The following ANO4 variants were observed in gnomAD, a reference collection of about 807,000 sequenced individuals.
ANO4 encodes the protein anoctamin 4, also known as anoctamin-4.
In ANO4, 69 loss-of-function variants were observed where a neutral mutation model predicts 141.9. That is an observed-to-expected ratio of 0.49 (90% CI 0.40 to 0.59). ANO4 has a LOEUF of 0.59. Ranked by LOEUF, ANO4 falls within the 20% of genes least tolerant of loss-of-function variation. ANO4 has a pLI of 0.00. For missense variants in ANO4, 894 were observed against 1,162.2 expected (o/e 0.77, Z 3.36); for synonymous variants, 350 against 394.3 (o/e 0.89, Z 1.33).
At chr12:100,768,913 C>T (rs2033191042) in intron 3 of ANO4, among the ~76,000 whole-genome samples, 1 of 152,146 alleles carries the variant, frequency 6.6e-6, no homozygotes, top group South Asian at 2.1e-4. Flanking sequence ...CATGTTGACT[C>T]TCTTAGATTC....
intron 1 of ANO4, among the ~76,000 whole-genome samples, chr12:100,860,208 A>C (rs2038397805): frequency 6.6e-6 from 1 of 152,210 alleles, no homozygotes; most frequent in East Asian, 1.9e-4. Flanking sequence ...CTGAGCTTGC[A>C]TCGTGACCAC....
At chr12:101,041,035 G>A (rs1215640269) in intron 11 of ANO4, among the ~76,000 whole-genome samples, 1 of 152,022 alleles carries the variant, frequency 6.6e-6, no homozygotes, top group Non-Finnish European at 1.5e-5. Flanking sequence ...TTCTGCCTTG[G>A]CAGCATTATT....
At chr12:100,807,214 G>T (rs922712405) in intron 1 of ANO4, among the ~76,000 whole-genome samples, 2 of 152,124 alleles carry the variant, frequency 1.3e-5, no homozygotes, top group African/African-American at 2.4e-5. Context: ...TGCTGGCTAG[G>T]TGGTGATTCT....
intron 3 of ANO4, among the ~76,000 whole-genome samples, chr12:100,753,240 A>G (rs2032461400): frequency 6.6e-6 from 1 of 152,214 alleles, no homozygotes; most frequent in African/African-American, 2.4e-5. Context: ...TCTTATTCTC[A>G]GTGGAACAAC....
At chr12:100,808,888 A>C (rs1265375027) in intron 1 of ANO4, among the ~76,000 whole-genome samples, 1 of 152,254 alleles carries the variant, frequency 6.6e-6, no homozygotes, top group Non-Finnish European at 1.5e-5. Context: ...CACACCCACA[A>C]ATTCAAAGCA....
chr12:100,875,217 G>A (rs1396250320), intron 1 of ANO4, among the ~76,000 whole-genome samples: 1 of 152,176 alleles, frequency 6.6e-6, no homozygotes, highest in Non-Finnish European at 1.5e-5. Flanking sequence ...GGTGGGAGGT[G>A]ACTGGATCAT....
chr12:100,961,447 C>T (rs2043420329), intron 5 of ANO4, among the ~76,000 whole-genome samples: 1 of 152,216 alleles, frequency 6.6e-6, no homozygotes, highest in South Asian at 2.1e-4. Flanking sequence ...TCTGCCTTCC[C>T]TCTGGCAGAG....
Position 100,759,686 on chromosome 12 carries a change from T to A in ANO4, c.358+19581T>A, listed in dbSNP as rs78059585. On this transcript the variant is annotated intron_variant, in intron 3 of 29. Transcript: ENST00000644049. ...ACTACTTTTTCAGTTTCTTAGCACATTTCTTAGGAGGGCCAGGTGAAACTG... is the reference window on the plus strand; with the variant it reads ...ACTACTTTTTCAGTTTCTTAGCACAATTCTTAGGAGGGCCAGGTGAAACTG... Among the ~76,000 whole-genome samples, 970 of 152,288 alleles carry A rather than the reference T, an allele frequency of 6.4e-3. 7 individuals are homozygous for A. Among genetic ancestry groups the A allele is most frequent in the African/African-American group, 0.022 (906 of 41,564 alleles).
chr12:100,924,941 G>A lies in ANO4; in HGVS notation c.160+2611G>A, dbSNP rs374825430. On this transcript the variant is annotated intron_variant, in intron 3 of 27. Transcript: ENST00000392977. The stretch of plus-strand genomic sequence containing the variant: ...TGTTAACTGTTCTGTAGTTTAGAAG[G>A]GTGATCTTTCTATGAACAGGTAGAG... 9.9e-5 allele frequency among the ~76,000 whole-genome samples: 15 copies of A among 152,070 alleles called. 2 individuals carry two copies. The East Asian group carries it at 2.1e-3, about 22-fold the overall frequency.
intron 9 of ANO4, among the ~76,000 whole-genome samples, chr12:101,036,179 G>A (rs2047185903): frequency 6.6e-6 from 1 of 152,078 alleles, no homozygotes; most frequent in African/African-American, 2.4e-5. Context: ...CCGTTAGAAT[G>A]GCTCTTATCA....
chr12:100,717,970 G>A (rs1349665443), intron 1 of ANO4, among the ~76,000 whole-genome samples: 1 of 152,132 alleles, frequency 6.6e-6, no homozygotes, highest in Non-Finnish European at 1.5e-5. Context: ...GCATTTCTCC[G>A]TCTGTAAATC....
intron 2 of ANO4, among the ~76,000 whole-genome samples, chr12:100,907,994 G>A (rs2040923363): frequency 6.6e-6 from 1 of 152,120 alleles, no homozygotes; most frequent in Non-Finnish European, 1.5e-5. Flanking sequence ...ATTCCTAATG[G>A]TGTTTTATCA....
intron 1 of ANO4, among the ~76,000 whole-genome samples, chr12:100,895,388 C>T (rs2040299406): frequency 6.6e-6 from 1 of 152,046 alleles, no homozygotes; most frequent in Non-Finnish European, 1.5e-5. Context: ...ATCATTTTTA[C>T]ATAGGCACAC....
chr12:100,791,765 G>A (rs1223908749), upstream of ANO4, among the ~76,000 whole-genome samples: 1 of 152,148 alleles, frequency 6.6e-6, no homozygotes, highest in Non-Finnish European at 1.5e-5. Context: ...TTGCCACTTG[G>A]GTGAGCGTTT....
intron 5 of ANO4, among the ~76,000 whole-genome samples, chr12:100,965,890 T>G (rs1471266409): frequency 6.6e-6 from 1 of 152,166 alleles, no homozygotes; most frequent in Admixed American, 6.6e-5. Context: ...TGTTGTCTGA[T>G]GTCTGTCTCC....
intron 8 of ANO4, among the ~76,000 whole-genome samples, chr12:100,993,870 CTGAG>C (rs2045253064): frequency 6.6e-6 from 1 of 152,162 alleles, no homozygotes; most frequent in Non-Finnish European, 1.5e-5. Context: ...CGCAGTCTGT[CTGAG>C]TGATAGAGCA....
Position 101,086,594 on chromosome 12 carries a change from G to A in ANO4, c.1537-66G>A. The A allele has an allele frequency of 1.9e-6, 3 of 1,580,942 alleles. No individual in the cohort carries two copies. The South Asian group carries it at 3.4e-5, about 18-fold the overall frequency. On this transcript the variant is annotated intron_variant, in intron 16 of 27. Transcript: ENST00000392977. The stretch of plus-strand genomic sequence containing the variant: ...CTTTTCCCATCAGAGGATGTTCCAG[G>A]AATGTGAATCCTCTTCCTGTAACAT...
chr12:100,826,300 G>T lies in ANO4; in HGVS notation c.-141+31273G>T, dbSNP rs77993494. On this transcript the variant is annotated intron_variant, in intron 1 of 27. Transcript: ENST00000392977. ...TTTGAAGATGGAATTGAGAAAAAAA[G>T]ATGGAAAATGGTCATTGCTCACAGA... Among the ~76,000 whole-genome samples the T allele has an allele frequency of 2.5e-3, 385 of 151,870 alleles. 2 individuals carry two copies. Among genetic ancestry groups the T allele is most frequent in the East Asian group, 0.018 (91 of 5,128 alleles).
chr12:100,980,183 G>A (rs566285774), intron 7 of ANO4, among the ~76,000 whole-genome samples: 1 of 152,194 alleles, frequency 6.6e-6, no homozygotes, highest in Non-Finnish European at 1.5e-5. Context: ...TCTGGGCCAA[G>A]CTAAAGGAAA....
Sources: allele counts gnomAD v4.1 joint callset (sites outside exome capture counted in the v4.1 genomes callset), GRCh38; gene constraint gnomAD v4.1.1; transcripts MANE v1.5; gene names NCBI Gene and HGNC (gene_info 2026-07-23, HGNC 2026-07-21).